DCP1A: variants seen among roughly 807,000 people sequenced by gnomAD.
DCP1A encodes decapping mRNA 1A.
Under a neutral mutation model 58.0 loss-of-function variants are expected in DCP1A, and 20 were observed. The observed-to-expected ratio is 0.34, with a 90% CI of 0.24 to 0.50. The LOEUF is 0.50. Ranked by LOEUF, DCP1A falls within the 20% of genes least tolerant of loss-of-function variation. DCP1A has a pLI of 0.98. For synonymous variants in DCP1A, 285 were observed against 275.1 expected (o/e 1.04, Z -0.36); for missense variants, 613 against 712.2 (o/e 0.86, Z 1.59).
At position 53,299,461 on chromosome 3, in the gene DCP1A, C is replaced by A. The variant is rs6798007; in HGVS notation, c.624+4716G>T. ...CATGTACAGCACAGGACAAAATTATCATCTTCAGCATCAGGTTTAATATGG... is the reference window on the plus strand; with the variant it reads ...CATGTACAGCACAGGACAAAATTATAATCTTCAGCATCAGGTTTAATATGG... On this transcript the variant is annotated intron_variant, in intron 6 of 9. Coordinates refer to ENST00000610213, the MANE Select transcript of DCP1A (RefSeq NM_018403.7). Among the ~76,000 whole-genome samples the A allele has an allele frequency of 3.8e-3, 580 of 152,312 alleles. 4 individuals carry two copies. Among genetic ancestry groups the A allele is most frequent in the African/African-American group, 0.013 (551 of 41,560 alleles).
At chr3:53,346,050 A>C (rs1445553070) in intron 1 of DCP1A, among the ~76,000 whole-genome samples, 5 of 152,178 alleles carry the variant, frequency 3.3e-5, no homozygotes, top group African/African-American at 1.2e-4. Context: ...CCACAATGTA[A>C]AATTTTAAAA....
intron 4 of DCP1A, among the ~76,000 whole-genome samples, chr3:53,318,946 C>T (rs1707887412): frequency 6.6e-6 from 1 of 152,188 alleles, no homozygotes; most frequent in South Asian, 2.1e-4. Flanking sequence ...AGGCTGTACA[C>T]CTGATGCAGA....
intron 3 of DCP1A, among the ~76,000 whole-genome samples, chr3:53,327,735 G>A (rs989195152): frequency 1.3e-5 from 2 of 151,824 alleles, no homozygotes; most frequent in African/African-American, 2.4e-5. Flanking sequence ...AGGTTGCGGT[G>A]AGCTGAGATT....
intron 1 of DCP1A, 36 bp from the exon 2 acceptor site, chr3:53,344,978 C>G: frequency 6.5e-7 from 1 of 1,547,164 alleles, no homozygotes; most frequent in South Asian, 1.2e-5. Flanking sequence ...TTTTTTTTCC[C>G]CATAATCAGA....
At chr3:53,301,686 A>T (rs1553687426) in intron 6 of DCP1A, among the ~76,000 whole-genome samples, 1 of 152,222 alleles carries the variant, frequency 6.6e-6, no homozygotes, top group Non-Finnish European at 1.5e-5. Flanking sequence ...CCCAAAACTG[A>T]AAACAATCTA....
chr3:53,310,196 C>T (rs1223559727), intron 5 of DCP1A, among the ~76,000 whole-genome samples: 4 of 152,132 alleles, frequency 2.6e-5, no homozygotes, highest in East Asian at 1.9e-4. Flanking sequence ...TACCCATAGA[C>T]GATATTTTAT....
intron 9 of DCP1A, 129 bp downstream of exon 9, chr3:53,287,936 T>G: frequency 1.1e-6 from 1 of 930,086 alleles, no homozygotes; most frequent in Non-Finnish European, 1.6e-6. Flanking sequence ...ATTACAGGTG[T>G]GAGCCACTTT....
chr3:53,305,103 T>C (rs559221928), intron 5 of DCP1A, among the ~76,000 whole-genome samples: 4 of 152,310 alleles, frequency 2.6e-5, no homozygotes, highest in Non-Finnish European at 5.9e-5. Context: ...AAAGATGTCA[T>C]ATAAATGAAA....
rs782354973 is a variant in DCP1A at position 53,287,624 on chromosome 3, A to G, written c.1705T>C (p.Tyr569His). 1 of 1,612,566 alleles carries G rather than the reference A, an allele frequency of 6.2e-7. No individual in the cohort carries two copies. The highest frequency in any genetic ancestry group is 8.5e-7 in the Non-Finnish European group (1 of 1,178,660). The change falls in exon 10 of 10, where the codon TAC (tyrosine) becomes CAC (histidine). Residue 569 changes from tyrosine (Y) to histidine (H), a missense_variant. Physicochemically the swap from Tyr to His is moderately conservative, Grantham distance 83. Transcript: ENST00000610213. The part of the protein sequence containing the change: ...SSFLSTLHEV[Y>H]LQVLTKNKDN... ...TTGTTCTTGGTCAGAACCTGCAAGT[A>G]GACTTCATGAAGTGTACTGAGGAAG...
In DCP1A at chr3:53,292,466, G is replaced by C. The variant is rs1553686215; in HGVS notation, c.986C>G (p.Ala329Gly). 1 of 1,614,026 alleles carries C rather than the reference G, an allele frequency of 6.2e-7. No homozygotes were observed. Among genetic ancestry groups the C allele is most frequent in the Non-Finnish European group, 8.5e-7 (1 of 1,179,910 alleles). ...TCGAGGTAAGCTGGGGGGAACCTGTGCAGTAGGAGCTTCAGCTGGCAGAGT... is the reference window on the plus strand; with the variant it reads ...TCGAGGTAAGCTGGGGGGAACCTGTCCAGTAGGAGCTTCAGCTGGCAGAGT... ...SPTLPAEAPT[A>G]QVPPSLPRNS... Residue 329 changes from alanine to glycine, a missense_variant, in exon 7 of 10, where the codon GCA becomes GGA. Ala to Gly is a moderately conservative substitution (Grantham distance 60). Transcript: ENST00000610213.
intron 3 of DCP1A, among the ~76,000 whole-genome samples, chr3:53,334,355 C>G (rs782093019): frequency 6.6e-6 from 1 of 152,158 alleles, no homozygotes; most frequent in Non-Finnish European, 1.5e-5. Flanking sequence ...AGTCTTTTAA[C>G]TGGCAAGTTT....
chr3:53,300,109 GC>G (rs370877693), intron 6 of DCP1A, among the ~76,000 whole-genome samples: 290 of 152,024 alleles, frequency 1.9e-3, no homozygotes, highest in African/African-American at 6.7e-3. Flanking sequence ...CTCATGATCT[GC>G]CTGTCTCGGC....
At chr3:53,308,151 T>C (rs1707530625) in intron 5 of DCP1A, among the ~76,000 whole-genome samples, 1 of 152,234 alleles carries the variant, frequency 6.6e-6, no homozygotes, top group African/African-American at 2.4e-5. Context: ...AGAACTATGA[T>C]ATTTTCTTCT....
chr3:53,286,360 TTTCA>T lies in DCP1A; in HGVS notation c.*1216_*1219del, dbSNP rs530273298. On this transcript the variant is annotated 3_prime_UTR_variant, in exon 10 of 10. Transcript: ENST00000610213. ...ACCTGTATCATAGAAACGAAGACAC[TTTCA>T]TTCAAAGAATATCTTAAAATTACTA... The T allele has an allele frequency of 4.9e-4, 74 of 152,344 alleles. No homozygotes were observed. Among genetic ancestry groups the T allele is most frequent in the Non-Finnish European group, 8.8e-4 (60 of 68,032 alleles). 9.4% of individuals were successfully genotyped at this position (152,344 alleles called of 1,614,324 possible).
At chr3:53,292,045 C>A in intron 7 of DCP1A, 24 bp downstream of exon 7, 2 of 1,548,274 alleles carry the variant, frequency 1.3e-6, no homozygotes, top group South Asian at 2.3e-5. Flanking sequence ...CCCACTCTGC[C>A]CACCCCCACC....
intron 6 of DCP1A, among the ~76,000 whole-genome samples, chr3:53,296,136 C>T (rs1189321769): frequency 6.6e-6 from 1 of 152,166 alleles, no homozygotes; most frequent in Non-Finnish European, 1.5e-5. Context: ...CTCAGGTGAT[C>T]TGCGTGCCGC....
At chr3:53,292,048 C>A (rs1553686026) in intron 7 of DCP1A, 21 bp downstream of exon 7, 2 of 1,585,134 alleles carry the variant, frequency 1.3e-6, no homozygotes, top group Non-Finnish European at 1.7e-6. Context: ...ACTCTGCCCA[C>A]CCCCACCCTC....
At chr3:53,291,189 ATAATTTT>A (rs757923142) in intron 7 of DCP1A, among the ~76,000 whole-genome samples, 18 of 152,170 alleles carry the variant, frequency 1.2e-4, no homozygotes, top group Non-Finnish European at 1.9e-4. Context: ...AGGAATATAT[ATAATTTT>A]TAATTTTTGT....
At chr3:53,332,287 T>C (rs1190006642) in intron 3 of DCP1A, among the ~76,000 whole-genome samples, 6 of 152,256 alleles carry the variant, frequency 3.9e-5, no homozygotes, top group South Asian at 4.1e-4. Context: ...TTTTAGTCTA[T>C]TGGCCCAATT....
Sources: gnomAD v4.1 joint callset for allele counts (sites outside exome capture counted in the v4.1 genomes callset) on GRCh38, gnomAD v4.1.1 for gene constraint, MANE v1.5 for transcripts, NCBI Gene and HGNC (gene_info 2026-07-23, HGNC 2026-07-21) for gene names.